The following PLEKHA7 variants were observed in gnomAD, a reference collection of about 807,000 sequenced individuals.
The protein encoded by PLEKHA7 is pleckstrin homology domain-containing family A member 7.
Under a neutral mutation model 170.0 loss-of-function variants are expected in PLEKHA7, and 104 were observed. The observed-to-expected ratio is 0.61, with a 90% CI of 0.52 to 0.72. The LOEUF (loss-of-function observed/expected upper bound fraction) is 0.72. PLEKHA7 is among the 30% of genes least tolerant of loss of function. The probability of loss-of-function intolerance (pLI) is 0.00; values close to 1 mark genes in which losing one functional copy is unlikely to be tolerated. For missense variants in PLEKHA7, 1,615 were observed against 1,671.7 expected (o/e 0.97, Z 0.59); for synonymous variants, 648 against 660.8 (o/e 0.98, Z 0.30).
chr11:16,985,306 T>C (rs973521888), intron 3 of PLEKHA7, among the ~76,000 whole-genome samples: 1 of 152,266 alleles, frequency 6.6e-6, no homozygotes, highest in Non-Finnish European at 1.5e-5. Flanking sequence ...TTCATTTTAC[T>C]GAATGTGAGG....
At chr11:16,967,887 T>C (rs992081920) in intron 3 of PLEKHA7, among the ~76,000 whole-genome samples, 4 of 152,140 alleles carry the variant, frequency 2.6e-5, no homozygotes, top group Non-Finnish European at 4.4e-5. Context: ...TTTAGACTAA[T>C]TGCCCAGAAA....
intron 8 of PLEKHA7, among the ~76,000 whole-genome samples, chr11:16,850,004 C>T (rs569298719): frequency 1.3e-5 from 2 of 152,300 alleles, no homozygotes; most frequent in South Asian, 2.1e-4. Context: ...ACCACCAGCA[C>T]CACTATGGCT....
At chr11:16,954,979 C>T (rs1265920453) in intron 3 of PLEKHA7, among the ~76,000 whole-genome samples, 1 of 152,196 alleles carries the variant, frequency 6.6e-6, no homozygotes, top group Non-Finnish European at 1.5e-5. Context: ...CATGAGCCAC[C>T]ATGCCTGGCC....
At chr11:16,947,654 A>G (rs1246693323) in intron 3 of PLEKHA7, among the ~76,000 whole-genome samples, 1 of 151,578 alleles carries the variant, frequency 6.6e-6, no homozygotes, top group Non-Finnish European at 1.5e-5. Context: ...GGTGGCTCAC[A>G]CTTGTAATCC....
At chr11:16,982,612 C>T (rs1483039690) in intron 3 of PLEKHA7, among the ~76,000 whole-genome samples, 1 of 152,122 alleles carries the variant, frequency 6.6e-6, no homozygotes, top group Admixed American at 6.5e-5. Flanking sequence ...ATGTGAAACC[C>T]GTGGTACCGG....
intron 10 of PLEKHA7, among the ~76,000 whole-genome samples, chr11:16,820,427 A>C (rs916677253): frequency 1.3e-5 from 2 of 152,104 alleles, no homozygotes; most frequent in Non-Finnish European, 2.9e-5. Flanking sequence ...TCTTCAACCT[A>C]CTTGTCGTGC....
At chr11:16,837,056 T>G (rs1425310815) in intron 9 of PLEKHA7, among the ~76,000 whole-genome samples, 1 of 152,166 alleles carries the variant, frequency 6.6e-6, no homozygotes, top group Non-Finnish European at 1.5e-5. Flanking sequence ...ACTCCTGACC[T>G]CAAGTTGTCC....
intron 3 of PLEKHA7, among the ~76,000 whole-genome samples, chr11:16,900,262 TCAAA>T (rs1305136407): frequency 6.6e-6 from 1 of 152,196 alleles, no homozygotes; most frequent in Non-Finnish European, 1.5e-5. Flanking sequence ...AATTCTGCTC[TCAAA>T]CATACAGTTG....
intron 3 of PLEKHA7, among the ~76,000 whole-genome samples, chr11:16,889,419 AAATATATATAT>A (rs1856463326): frequency 9.4e-6 from 1 of 106,720 alleles, no homozygotes; most frequent in African/African-American, 4.3e-5. Context: ...AAAAAAAAAA[AAATATATATAT>A]ATATATATAT....
intron 3 of PLEKHA7, among the ~76,000 whole-genome samples, chr11:16,995,374 A>C (rs1211528101): frequency 6.6e-6 from 1 of 152,140 alleles, no homozygotes; most frequent in Non-Finnish European, 1.5e-5. Flanking sequence ...TGCTAAATGA[A>C]GGGACCCCTG....
chr11:17,003,282 C>T (rs1864790154), intron 3 of PLEKHA7, among the ~76,000 whole-genome samples: 1 of 152,160 alleles, frequency 6.6e-6, no homozygotes, highest in Admixed American at 6.5e-5. Context: ...TGAGCCACCA[C>T]ACCCAGCCCA....
Position 17,014,176 on chromosome 11 carries a change from GC to G in PLEKHA7, c.111del (p.Trp37CysfsTer15). On this transcript the variant is annotated frameshift_variant, in exon 2 of 27. Transcript: ENST00000531066. LOFTEE classifies it high-confidence loss of function. ...ACGGGCTCCCCGGTGCGCGGATGCA[GC>G]CAGGTCGTGCAGCGGAGCTGGTCAC... The part of the protein sequence containing the change: ...FINDQLRCTT[W>X]LHPRTGEPVN... 3 of 1,598,104 alleles carry G rather than the reference GC, an allele frequency of 1.9e-6. No individual in the cohort carries two copies. Among genetic ancestry groups the G allele is most frequent in the Non-Finnish European group, 1.7e-6 (2 of 1,173,974 alleles).
chr11:16,936,426 A>AAAAAAAAC (rs1860307332), intron 3 of PLEKHA7, among the ~76,000 whole-genome samples: 1 of 148,482 alleles, frequency 6.7e-6, no homozygotes, highest in Non-Finnish European at 1.5e-5. Context: ...AAAAAAAAAA[A>AAAAAAAAC]TCAGGTCTCT....
rs952199288 is a variant in PLEKHA7, at chr11:16,789,597, G to C, written c.3156+178C>G. The C allele has an allele frequency of 1.6e-6, 1 of 641,752 alleles. No homozygotes were observed. Among genetic ancestry groups the C allele is most frequent in the Non-Finnish European group, 2.7e-6 (1 of 373,780 alleles). The allele number at this position is 641,752 out of a possible 1,614,324, so 39.8% of individuals were successfully genotyped here. ...CCTCCTGCCACCCTGACAGGCCAGAGAGAAAGGCAGGATGCCCTCCTTGGT... is the reference window on the plus strand; with the variant it reads ...CCTCCTGCCACCCTGACAGGCCAGACAGAAAGGCAGGATGCCCTCCTTGGT... On this transcript the variant is annotated intron_variant, in intron 22 of 26. Coordinates refer to ENST00000531066, the MANE Select transcript of PLEKHA7 (RefSeq NM_001329630.2). The surrounding 1 kb of genome is among the most constrained non-coding windows in gnomAD (Gnocchi z 4.6).
chr11:16,955,018 C>A (rs1249869632), intron 3 of PLEKHA7, among the ~76,000 whole-genome samples: 3 of 152,126 alleles, frequency 2.0e-5, no homozygotes, highest in African/African-American at 7.2e-5. Context: ...TATACTGTTT[C>A]ATTTGAAACA....
intron 3 of PLEKHA7, among the ~76,000 whole-genome samples, chr11:16,955,232 G>A (rs1448874272): frequency 6.6e-6 from 1 of 152,142 alleles, no homozygotes; most frequent in Non-Finnish European, 1.5e-5. Flanking sequence ...TGAATGAATG[G>A]TTTTTCCTGG....
At chr11:16,816,057 G>A in intron 12 of PLEKHA7, 121 bp downstream of exon 12, 3 of 818,026 alleles carry the variant, frequency 3.7e-6, no homozygotes, top group Non-Finnish European at 6.0e-6. Flanking sequence ...CTGAGCCTCA[G>A]TTTCCTCATC....
chr11:16,937,392 C>T (rs1860377723), intron 3 of PLEKHA7, among the ~76,000 whole-genome samples: 1 of 152,122 alleles, frequency 6.6e-6, no homozygotes, highest in Non-Finnish European at 1.5e-5. Flanking sequence ...CATCTAAGCA[C>T]ATGAGAATGT....
At chr11:16,990,541 G>C (rs917577711) in intron 3 of PLEKHA7, among the ~76,000 whole-genome samples, 1 of 152,146 alleles carries the variant, frequency 6.6e-6, no homozygotes, top group African/African-American at 2.4e-5. Flanking sequence ...GTCCATAAAA[G>C]CCTTGTTCCC....
Sources: allele counts gnomAD v4.1 joint callset (sites outside exome capture counted in the v4.1 genomes callset), GRCh38; gene constraint gnomAD v4.1.1; non-coding constraint Gnocchi (gnomAD v3.1); transcripts MANE v1.5; gene names NCBI Gene and HGNC (gene_info 2026-07-23, HGNC 2026-07-21).